ZBTB37: variants seen among roughly 807,000 people sequenced by gnomAD.
The protein encoded by ZBTB37 is zinc finger and BTB domain containing 37, also known as zinc finger and BTB domain-containing protein 37.
ZBTB37 carries 15 observed loss-of-function variants against 37.7 expected under a neutral mutation model. The ratio of observed to expected loss-of-function variants is 0.40; its 90% confidence interval spans 0.27 to 0.61. The LOEUF is 0.61. ZBTB37 is among the 20% of genes least tolerant of loss of function. The pLI is 0.44. For missense variants in ZBTB37, 514 were observed against 641.9 expected, an observed-to-expected ratio of 0.80 and a Z score of 2.15; for synonymous variants, 231 against 220.6, an observed-to-expected ratio of 1.05 and a Z score of -0.42.
chr1:173,886,368 A>G (rs1382992582), exon 5 of ZBTB37: 2 of 568,024 alleles, frequency 3.5e-6, no homozygotes, highest in East Asian at 3.2e-5. Context: ...TCAGGGATCA[A>G]CAGCCTTGGT....
chr1:173,877,671 A>G (rs1572059121), intron 4 of ZBTB37, among the ~76,000 whole-genome samples: 1 of 151,834 alleles, frequency 6.6e-6, no homozygotes, highest in Admixed American at 6.6e-5. Flanking sequence ...CAGTCCTCCC[A>G]CCTTGGTCTC....
intron 4 of ZBTB37, among the ~76,000 whole-genome samples, chr1:173,883,404 G>A (rs1202270327): frequency 2.6e-5 from 4 of 152,134 alleles, no homozygotes; most frequent in African/African-American, 4.8e-5. Flanking sequence ...GCTTGAACCC[G>A]GGAGGCGGAG....
At chr1:173,886,129 T>TG in exon 5 of ZBTB37, 1 of 1,547,964 alleles carries the variant, frequency 6.5e-7, no homozygotes. Flanking sequence ...GACTGAAACA[T>TG]CCAGGGGGAG....
intron 4 of ZBTB37, among the ~76,000 whole-genome samples, chr1:173,878,223 A>G (rs927120684): frequency 6.6e-6 from 1 of 152,228 alleles, no homozygotes; most frequent in Non-Finnish European, 1.5e-5. Context: ...CTATTATAGC[A>G]TGGTACAATA....
chr1:173,894,646 C>T (rs1656975094), exon 4 of ZBTB37: 1 of 152,192 alleles, frequency 6.6e-6, no homozygotes, highest in Admixed American at 6.5e-5. Context: ...CCACTGTACT[C>T]TTGGTCGAAG....
At chr1:173,876,416 C>T (rs547676273) in intron 4 of ZBTB37, among the ~76,000 whole-genome samples, 1 of 152,090 alleles carries the variant, frequency 6.6e-6, no homozygotes, top group South Asian at 2.1e-4. Context: ...CTCTCTGGTT[C>T]GAGCAATTCT....
exon 4 of ZBTB37, chr1:173,901,264 T>G (rs1270742272): frequency 1.3e-5 from 2 of 152,252 alleles, no homozygotes; most frequent in Non-Finnish European, 2.9e-5. Context: ...AAAAGAAATG[T>G]GTTCTCAGTC....
chr1:173,879,258 C>G (rs1186978423), intron 4 of ZBTB37, among the ~76,000 whole-genome samples: 1 of 152,094 alleles, frequency 6.6e-6, no homozygotes, highest in Non-Finnish European at 1.5e-5. Context: ...TGAATCACAT[C>G]AAGAAAAATG....
chr1:173,873,563 C>G (rs762024166), exon 4 of ZBTB37: 2 of 1,613,960 alleles, frequency 1.2e-6, no homozygotes, highest in Non-Finnish European at 1.7e-6. Context: ...AACCCAGCTC[C>G]CAGGTATGGA....
intron 4 of ZBTB37, among the ~76,000 whole-genome samples, chr1:173,875,506 AG>A (rs1214626029): frequency 6.6e-6 from 1 of 151,064 alleles, no homozygotes; most frequent in Non-Finnish European, 1.5e-5. Context: ...TTGTATTTTT[AG>A]TAGATAGCAG....
intron 4 of ZBTB37, among the ~76,000 whole-genome samples, chr1:173,881,233 CT>C (rs1656285637): frequency 6.6e-6 from 1 of 151,818 alleles, no homozygotes; most frequent in African/African-American, 2.4e-5. Flanking sequence ...TGATAGTTTG[CT>C]CAGAATGATG....
exon 4 of ZBTB37, chr1:173,898,495 T>C: frequency 6.7e-6 from 1 of 149,670 alleles, no homozygotes; most frequent in Non-Finnish European, 1.5e-5. Context: ...GCTCAAGCGA[T>C]CCTACCACCT....
chr1:173,876,644 A>C (rs1008232209), intron 4 of ZBTB37, among the ~76,000 whole-genome samples: 5 of 152,192 alleles, frequency 3.3e-5, no homozygotes, highest in Non-Finnish European at 7.3e-5. Flanking sequence ...TATTGTGTGC[A>C]TGGTATAGTA....
intron 3 of ZBTB37, among the ~76,000 whole-genome samples, chr1:173,871,773 C>G (rs1295294706): frequency 6.6e-6 from 1 of 152,098 alleles, no homozygotes; most frequent in African/African-American, 2.4e-5. Flanking sequence ...CTTTTTTTCA[C>G]CAGTGCTGCT....
At position 173,884,872 on chromosome 1, in the gene ZBTB37, A is replaced by G. The variant is rs76763183; in HGVS notation, c.1024-764A>G. On this transcript the variant is annotated intron_variant, in intron 4 of 4. Transcript: ENST00000427304. ...ATTACTCAGTTGTATTAGCCATATT[A>G]CAAATACTCAATAGCAACAGGTGGC... Among the ~76,000 whole-genome samples, 1,490 of 152,358 alleles carry G rather than the reference A, an allele frequency of 9.8e-3. 6 individuals carry two copies. Among genetic ancestry groups the G allele is most frequent in the Non-Finnish European group, 0.016 (1,090 of 68,032 alleles).
At chr1:173,887,258 T>C (rs1165596535), downstream of ZBTB37, 2 of 152,244 alleles carry the variant, frequency 1.3e-5, no homozygotes, top group Non-Finnish European at 2.9e-5. Flanking sequence ...TGTAATAGTT[T>C]ATATTTTCAG....
chr1:173,871,193 T>C, intron 3 of ZBTB37, 45 bp downstream of exon 3: 1 of 1,503,432 alleles, frequency 6.7e-7, no homozygotes, highest in Non-Finnish European at 8.9e-7. Context: ...GGCTATTGTG[T>C]AGACATCACT....
At chr1:173,894,999 A>G (rs908767558) in exon 4 of ZBTB37, 2 of 152,184 alleles carry the variant, frequency 1.3e-5, no homozygotes, top group Non-Finnish European at 1.5e-5. Flanking sequence ...TTCATTTTGT[A>G]CTGTGTTCCA....
chr1:173,871,151 A>AGGTTTGGTTT lies in ZBTB37; in HGVS notation c.923+14_923+23dup, dbSNP rs760042560. The stretch of plus-strand genomic sequence containing the variant: ...CCAACAAGCAGTGAAGTTGACAGGT[A>AGGTTTGGTTT]GGTTTGGTTTGGTTTGGTTTTCCCA... On this transcript the variant is annotated splice_donor_region_variant and intron_variant, in intron 3 of 4. Transcript: ENST00000427304. The AGGTTTGGTTT allele has an allele frequency of 1.3e-6, 2 of 1,586,232 alleles. No individual in the cohort carries two copies. The highest frequency in any genetic ancestry group is 1.8e-5 in the Admixed American group (1 of 54,724).
Sources: gnomAD v4.1 joint callset for allele counts (sites outside exome capture counted in the v4.1 genomes callset) on GRCh38, gnomAD v4.1.1 for gene constraint, MANE v1.5 for transcripts, NCBI Gene and HGNC (gene_info 2026-07-23, HGNC 2026-07-21) for gene names.